Variants in FLOT1 observed in about 807,000 individuals in gnomAD.
The protein encoded by FLOT1 is flotillin 1, also known as flotillin-1.
In FLOT1, 40 loss-of-function variants were observed where a neutral mutation model predicts 58.4. That is an observed-to-expected ratio of 0.69 (90% confidence interval 0.53 to 0.89). The LOEUF (loss-of-function observed/expected upper bound fraction) is 0.89, where lower values mean the gene tolerates loss of function less well. FLOT1 is among the 40% of genes least tolerant of loss of function. The pLI is 0.00. For missense variants in FLOT1, 423 were observed against 540.8 expected (o/e 0.78, Z 2.16); for synonymous variants, 178 against 204.2 (o/e 0.87, Z 1.09).
intron 8 of FLOT1, among the ~76,000 whole-genome samples, chr6:30,738,134 A>C (rs1777720905): frequency 6.6e-6 from 1 of 152,232 alleles, no homozygotes; most frequent in African/African-American, 2.4e-5. Flanking sequence ...TCCAATGTGC[A>C]TACAAATCAC....
Position 30,740,585 on chromosome 6 carries a change from A to C in FLOT1, c.481T>G (p.Leu161Val), listed in dbSNP as rs1199336370. The change falls in exon 7 of 13, where the codon TTG (leucine) becomes GTG (valine). Residue 161 changes from leucine to valine, a missense_variant. Physicochemically the swap from Leu to Val is conservative, Grantham distance 32 (BLOSUM62 1). Coordinates refer to ENST00000376389, the MANE Select transcript of FLOT1 (RefSeq NM_005803.4). ...GTTCGAGCCTTCCCCAAAGAGTGCA[A>C]ATAGTCCTGTGGGAGAGATGTAGAA... ...LKDIHDDQDY[L>V]HSLGKARTAQ... The C allele has an allele frequency of 1.2e-6, 2 of 1,612,866 alleles. No individual in the cohort carries two copies. Among genetic ancestry groups the C allele is most frequent in the Non-Finnish European group, 1.7e-6 (2 of 1,180,014 alleles).
At position 30,737,254 on chromosome 6, in the gene FLOT1, G is replaced by A. The variant is rs9262161; in HGVS notation, c.723+2904C>T. 0.28 allele frequency among the ~76,000 whole-genome samples: 39,638 copies of A among 143,118 alleles called. 6,351 individuals are homozygous for A. The highest frequency in any genetic ancestry group is 0.46 in the African/African-American group (18,241 of 39,980). 93.9% of individuals were successfully genotyped at this position (143,118 alleles called of 152,430 possible). A position where few individuals can be genotyped will look rare whatever the true frequency, so the allele number is the denominator to read the frequency against. On this transcript the variant is annotated intron_variant, in intron 8 of 12. Transcript: ENST00000376389. This position sits in a 1 kb window ranked among gnomAD's most constrained non-coding sequence, Gnocchi z 4.4. Reference sequence around the variant, plus strand: ...CGTCCGTCCGTCCGTCCGTCCATCCGTCCATCCATCCATCCATATATCTAT... The same window carrying A: ...CGTCCGTCCGTCCGTCCGTCCATCCATCCATCCATCCATCCATATATCTAT...
Position 30,727,744 on chromosome 6 carries a change from C to T in FLOT1, c.*372G>A. ...GTTGCTTCTGTTTTATTAGTACTTA[C>T]TTACAGCAATTTATTTGGGTAGCAA... On this transcript the variant is annotated 3_prime_UTR_variant, in exon 13 of 13. Transcript: ENST00000376389. The T allele has an allele frequency of 2.8e-6, 1 of 361,840 alleles. No individual in the cohort carries two copies. Among genetic ancestry groups the T allele is most frequent in the Non-Finnish European group, 5.2e-6 (1 of 193,182 alleles). The allele number at this position is 361,840 out of a possible 1,614,324, so 22.4% of individuals were successfully genotyped here.
chr6:30,737,242 G>GTCTA lies in FLOT1; in HGVS notation c.723+2915_723+2916insTAGA, dbSNP rs1554208591. ...CGTCCGTCCGTCCGTCCGTCCGTCC[G>GTCTA]TCCGTCCATCCGTCCATCCATCCAT... is the stretch of plus-strand genomic sequence containing the variant. On this transcript the variant is annotated intron_variant, in intron 8 of 12. Transcript: ENST00000376389. The surrounding 1 kb of genome is among the most constrained non-coding windows in gnomAD (Gnocchi z 4.4). Among the ~76,000 whole-genome samples, 2 of 145,746 alleles carry GTCTA rather than the reference G, an allele frequency of 1.4e-5. No homozygotes were observed. Among genetic ancestry groups the GTCTA allele is most frequent in the African/African-American group, 2.6e-5 (1 of 38,444 alleles).
chr6:30,728,132 G>C lies in FLOT1; in HGVS notation c.1268C>G (p.Pro423Arg), dbSNP rs1358654926. The part of the protein sequence containing the change: ...GVSISQVNHK[P>R]LRTA Reference sequence around the variant, plus strand: ...GCTGAAGGCTCAGGCTGTTCTCAAAGGCTTGTGATTCACCTGGCAAAAAGA... The same window carrying C: ...GCTGAAGGCTCAGGCTGTTCTCAAACGCTTGTGATTCACCTGGCAAAAAGA... Residue 423 changes from proline (P) to arginine (R), a missense_variant, in exon 13 of 13, where the codon CCT becomes CGT. By Grantham distance (103) the Pro-to-Arg change is moderately radical. Transcript: ENST00000376389. The C allele has an allele frequency of 6.2e-7, 1 of 1,613,010 alleles. No individual in the cohort carries two copies. The highest frequency in any genetic ancestry group is 1.1e-5 in the South Asian group (1 of 91,088).
At chr6:30,736,297 G>GAAGA (rs1175399604) in intron 8 of FLOT1, 1 of 151,692 alleles carries the variant, frequency 6.6e-6, no homozygotes, top group East Asian at 1.9e-4. Flanking sequence ...GGAAAGAAAG[G>GAAGA]AAGAAAGAAA....
rs1307242861 is a variant in FLOT1, at chr6:30,742,598, G to C, written c.-86C>G. Reference sequence around the variant, plus strand: ...GGGTCGCGCAGGGACCTGGGAGCCGGGCAGGGGCCGCTCGCAGACCAGCTT... The same window carrying C: ...GGGTCGCGCAGGGACCTGGGAGCCGCGCAGGGGCCGCTCGCAGACCAGCTT... On this transcript the variant is annotated 5_prime_UTR_variant, in exon 1 of 13. Coordinates refer to ENST00000376389, the MANE Select transcript of FLOT1 (RefSeq NM_005803.4). This position sits in a 1 kb window ranked among gnomAD's most constrained non-coding sequence, Gnocchi z 5.2. The C allele has an allele frequency of 4.6e-6, 1 of 216,546 alleles. No individual in the cohort carries two copies. The highest frequency in any genetic ancestry group is 2.3e-5 in the African/African-American group (1 of 42,828). 13.4% of individuals were successfully genotyped at this position (216,546 alleles called of 1,614,324 possible).
intron 8 of FLOT1, 122 bp from the exon 9 acceptor site, chr6:30,731,222 C>T (rs1777168225): frequency 5.2e-6 from 5 of 959,286 alleles, no homozygotes; most frequent in Non-Finnish European, 7.6e-6. Context: ...CGGTGGCTCA[C>T]GCCTGTAATC....
At chr6:30,733,331 C>T (rs1012237850) in intron 8 of FLOT1, among the ~76,000 whole-genome samples, 7 of 152,176 alleles carry the variant, frequency 4.6e-5, no homozygotes, top group African/African-American at 9.7e-5. Flanking sequence ...CCACTGCACC[C>T]GGCCTCTACC....
At position 30,741,957 on chromosome 6, in the gene FLOT1, G is replaced by A; in HGVS notation, c.44-90C>T. ...GGGGGTGAGGGGACAGCAACCCACAGGAGAGAATCTGGGAGCTGGAGGGGA... is the reference window on the plus strand; with the variant it reads ...GGGGGTGAGGGGACAGCAACCCACAAGAGAGAATCTGGGAGCTGGAGGGGA... On this transcript the variant is annotated intron_variant, in intron 2 of 12. Transcript: ENST00000376389. This position sits in a 1 kb window ranked among gnomAD's most constrained non-coding sequence, Gnocchi z 5.9. 2 of 1,309,124 alleles carry A rather than the reference G, an allele frequency of 1.5e-6. No individual in the cohort carries two copies. The highest frequency in any genetic ancestry group is 3.5e-5 in the Admixed American group (2 of 57,644). The allele number at this position is 1,309,124 out of a possible 1,614,324, so 81.1% of individuals were successfully genotyped here.
rs1182158330 is a variant in FLOT1 at position 30,730,579 on chromosome 6, A to G, written c.952-14T>C. On this transcript the variant is annotated splice_polypyrimidine_tract_variant and intron_variant, in intron 10 of 12. Transcript: ENST00000376389. The stretch of plus-strand genomic sequence containing the variant: ...TTCCCCACGCATCTGAGGGTTAAGG[A>G]TGCTTGTGAGATTGACGGAAATCAT... The G allele has an allele frequency of 3.1e-6, 5 of 1,613,324 alleles. No homozygotes were observed. Among genetic ancestry groups the G allele is most frequent in the Non-Finnish European group, 4.2e-6 (5 of 1,179,502 alleles).
chr6:30,738,924 T>C (rs1297272811), intron 8 of FLOT1, among the ~76,000 whole-genome samples: 1 of 152,180 alleles, frequency 6.6e-6, no homozygotes, highest in Non-Finnish European at 1.5e-5. Context: ...TTGATCAACC[T>C]CACCTGGGTA....
chr6:30,727,793 C>A lies in FLOT1; in HGVS notation c.*323G>T. Reference sequence around the variant, plus strand: ...AAAGTTGAAAACCTCCAGCCCATCCCTCAGTCTTGGTCAGGAAAATATTCT... The same window carrying A: ...AAAGTTGAAAACCTCCAGCCCATCCATCAGTCTTGGTCAGGAAAATATTCT... On this transcript the variant is annotated 3_prime_UTR_variant, in exon 13 of 13. Coordinates refer to ENST00000376389, the MANE Select transcript of FLOT1 (RefSeq NM_005803.4). 4.0e-6 allele frequency: 2 copies of A among 496,994 alleles called. No individual in the cohort carries two copies. Among genetic ancestry groups the A allele is most frequent in the Non-Finnish European group, 7.3e-6 (2 of 275,592 alleles). The allele number at this position is 496,994 out of a possible 1,614,324, so 30.8% of individuals were successfully genotyped here. A position where few individuals can be genotyped will look rare whatever the true frequency, so the allele number is the denominator to read the frequency against.
chr6:30,730,978 C>CCGGGCCTCCAGCTCCTTCTCCCG lies in FLOT1; in HGVS notation c.823_845dup (p.Val283GlyfsTer23), dbSNP rs1242144110. 1.2e-6 allele frequency: 2 copies of CCGGGCCTCCAGCTCCTTCTCCCG among 1,613,866 alleles called. No homozygotes were observed. The highest frequency in any genetic ancestry group is 1.7e-6 in the Non-Finnish European group (2 of 1,179,986). On this transcript the variant is annotated frameshift_variant, in exon 9 of 13. Transcript: ENST00000376389. LOFTEE classifies it high-confidence loss of function. ...GCTCCGCTTCCGCTGGCTTCCGCAC[C>CCGGGCCTCCAGCTCCTTCTCCCG]CGGGCCTCCAGCTCCTTCTCCCGCC...
At chr6:30,730,219 T>C (rs914695310) in intron 11 of FLOT1, 33 bp from the exon 12 acceptor site, 1 of 1,608,948 alleles carries the variant, frequency 6.2e-7, no homozygotes, top group East Asian at 2.2e-5. Flanking sequence ...TCAGTGCCCA[T>C]GATCTGACCA....
chr6:30,730,630 C>T (rs1777103889), intron 10 of FLOT1, 52 bp downstream of exon 10: 1 of 1,613,736 alleles, frequency 6.2e-7, no homozygotes, highest in African/African-American at 1.3e-5. Flanking sequence ...CCCGATCAAG[C>T]AGCAACCCCC....
intron 7 of FLOT1, 40 bp downstream of exon 7, chr6:30,740,456 T>G: frequency 6.2e-7 from 1 of 1,601,514 alleles, no homozygotes; most frequent in Non-Finnish European, 8.5e-7. Context: ...TTGTGCCACT[T>G]CTATCCCCTT....
At chr6:30,735,294 C>T (rs1206238037) in intron 8 of FLOT1, among the ~76,000 whole-genome samples, 1 of 151,958 alleles carries the variant, frequency 6.6e-6, no homozygotes, top group Admixed American at 6.6e-5. Flanking sequence ...CCCATCACAT[C>T]CTCTAGTCTA....
Position 30,741,865 on chromosome 6 carries a change from A to ACCC in FLOT1, c.44-1_45dup (p.Gly15dup), listed in dbSNP as rs1378141351. On this transcript the variant is annotated inframe_insertion and splice_region_variant, in exon 3 of 13. Transcript: ENST00000376389. This position sits in a 1 kb window ranked among gnomAD's most constrained non-coding sequence, Gnocchi z 5.9. Reference sequence around the variant, plus strand: ...ACCATGACTGGGGGGCTTCGGCAGAACCCTGCAAGGTGTGGGGCAGTGAGG... The same window carrying ACCC: ...ACCATGACTGGGGGGCTTCGGCAGAACCCCCCTGCAAGGTGTGGGGCAGTGAGG... 6.2e-7 allele frequency: 1 copy of ACCC among 1,612,416 alleles called. No homozygotes were observed. Among genetic ancestry groups the ACCC allele is most frequent in the Non-Finnish European group, 8.5e-7 (1 of 1,179,982 alleles).
Sources: allele counts gnomAD v4.1 joint callset (sites outside exome capture counted in the v4.1 genomes callset), GRCh38; gene constraint gnomAD v4.1.1; non-coding constraint Gnocchi (gnomAD v3.1); transcripts MANE v1.5; gene names NCBI Gene and HGNC (gene_info 2026-07-23, HGNC 2026-07-21).